Variants in PACS2 observed in about 807,000 individuals in gnomAD.
PACS2 encodes the protein phosphofurin acidic cluster sorting protein 2, also known as PACS1-like protein.
PACS2 carries 36 observed loss-of-function variants against 113.0 expected under a neutral mutation model. That is an observed-to-expected ratio of 0.32 (90% CI 0.24 to 0.42). The LOEUF is 0.42. Among genes scored for constraint, PACS2 ranks in the 10% least tolerant of loss-of-function variants. The pLI is 1.00. For synonymous variants in PACS2, 589 were observed against 536.1 expected, an observed-to-expected ratio of 1.10 and a Z score of -1.36; for missense variants, 1,015 against 1,239.5, an observed-to-expected ratio of 0.82 and a Z score of 2.72.
In PACS2 at chr14:105,308,879, C is replaced by T. The variant is rs587634136; in HGVS notation, c.-83+7900C>T. Among the ~76,000 whole-genome samples the T allele has an allele frequency of 5.9e-5, 9 of 151,870 alleles. 1 individual carries two copies. Among genetic ancestry groups the T allele is most frequent in the Admixed American group, 1.3e-4 (2 of 15,252 alleles). ...ATCCCAGCACTTTGAGAGGCTGAGG[C>T]AGGAGGATGGTTTGAGTCCAGGAGA... is the stretch of plus-strand genomic sequence containing the variant. On this transcript the variant is annotated intron_variant, in intron 1 of 23. Transcript: ENST00000430725.
In PACS2 at chr14:105,355,289, T is replaced by A; in HGVS notation, c.423+112T>A. 1 of 1,285,860 alleles carries A rather than the reference T, an allele frequency of 7.8e-7. No individual in the cohort carries two copies. Among genetic ancestry groups the A allele is most frequent in the Non-Finnish European group, 1.1e-6 (1 of 948,404 alleles). The allele number at this position is 1,285,860 out of a possible 1,614,324, so 79.7% of individuals were successfully genotyped here. ...CGGGTCCAGATGTCCAGGGATCAGG[T>A]GAAAATGATGAGAGGAGCCTGGGCG... On this transcript the variant is annotated intron_variant, in intron 4 of 24. Coordinates refer to ENST00000447393, the MANE Select transcript of PACS2 (RefSeq NM_001100913.3). This position sits in a 1 kb window ranked among gnomAD's most constrained non-coding sequence, Gnocchi z 4.1.
chr14:105,394,658 A>G lies in PACS2; in HGVS notation c.2701A>G (p.Lys901Glu), dbSNP rs1445278464. Reference sequence around the variant, plus strand: ...CCCCATCTGCATCTTCGGACACTCCAAGGCCACCTTCTAGCCCCACCCACC... The same window carrying G: ...CCCCATCTGCATCTTCGGACACTCCGAGGCCACCTTCTAGCCCCACCCACC... The part of the protein sequence containing the change: ...HFPICIFGHS[K>E]ATF Residue 901 changes from lysine (K) to glutamate (E), a missense_variant, in exon 25 of 25, where the codon AAG (lysine) becomes GAG (glutamate). Physicochemically the swap from Lys to Glu is moderately conservative, Grantham distance 56. Transcript: ENST00000447393. 9.9e-6 allele frequency: 16 copies of G among 1,611,532 alleles called. No homozygotes were observed. Among genetic ancestry groups the G allele is most frequent in the Non-Finnish European group, 1.4e-5 (16 of 1,178,316 alleles).
chr14:105,304,865 C>T (rs1228111415), intron 1 of PACS2, among the ~76,000 whole-genome samples: 1 of 152,228 alleles, frequency 6.6e-6, no homozygotes, highest in African/African-American at 2.4e-5. Context: ...TTCGCAATCA[C>T]AAGAACAGCA....
chr14:105,368,643 C>T, intron 7 of PACS2, 104 bp downstream of exon 7: 1 of 849,470 alleles, frequency 1.2e-6, no homozygotes, highest in South Asian at 1.4e-5. Flanking sequence ...TGAGATCTCA[C>T]CCCAGGTCAC....
chr14:105,376,553 G>A lies in PACS2; in HGVS notation c.802-215G>A, dbSNP rs142769238. Among the ~76,000 whole-genome samples the A allele has an allele frequency of 1.3e-5, 2 of 152,288 alleles. No homozygotes were observed. The highest frequency in any genetic ancestry group is 2.9e-5 in the Non-Finnish European group (2 of 68,002). ...ACTGCACCAGCCCAGGGGAGGTGGA[G>A]GAATGCCACACGCACCGGTACCTGG... On this transcript the variant is annotated intron_variant, in intron 8 of 24. Transcript: ENST00000447393. This position sits in a 1 kb window ranked among gnomAD's most constrained non-coding sequence, Gnocchi z 4.7.
chr14:105,356,690 G>A lies in PACS2; in HGVS notation c.423+1513G>A, dbSNP rs1237851187. On this transcript the variant is annotated intron_variant, in intron 4 of 24. Transcript: ENST00000447393. This position sits in a 1 kb window ranked among gnomAD's most constrained non-coding sequence, Gnocchi z 4.0. ...AGGCGAGGTCCTGCTGATCCCTGCC[G>A]GTCCCTGTGTTTCCCATTAGCCATG... 2.6e-5 allele frequency among the ~76,000 whole-genome samples: 4 copies of A among 151,786 alleles called. No homozygotes were observed. The highest frequency in any genetic ancestry group is 9.7e-5 in the African/African-American group (4 of 41,278).
rs2060959745 is a variant in PACS2, at chr14:105,366,878, C to T, written c.424-335C>T. Among the ~76,000 whole-genome samples, 1 of 152,162 alleles carries T rather than the reference C, an allele frequency of 6.6e-6. No homozygotes were observed. The highest frequency in any genetic ancestry group is 2.1e-4 in the South Asian group (1 of 4,828). On this transcript the variant is annotated intron_variant, in intron 4 of 24. Transcript: ENST00000447393. This position sits in a 1 kb window ranked among gnomAD's most constrained non-coding sequence, Gnocchi z 4.3. ...CTGAGATCAGGAGGGCCGCGGACAC[C>T]CCTGTCTGTCCATCTCAGTCCCTCG...
chr14:105,356,122 G>A lies in PACS2; in HGVS notation c.423+945G>A, dbSNP rs2060434641. On this transcript the variant is annotated intron_variant, in intron 4 of 24. Transcript: ENST00000447393. This position sits in a 1 kb window ranked among gnomAD's most constrained non-coding sequence, Gnocchi z 4.0. ...CTTTGTCCCCCTGCTCCTGGGGCTT[G>A]GGGCTGGGACAGTGGGGGTGCCCAC... Among the ~76,000 whole-genome samples, 1 of 152,068 alleles carries A rather than the reference G, an allele frequency of 6.6e-6. No individual in the cohort carries two copies. Among genetic ancestry groups the A allele is most frequent in the African/African-American group, 2.4e-5 (1 of 41,390 alleles).
chr14:105,328,619 CTG>C (rs1176555347), intron 1 of PACS2, among the ~76,000 whole-genome samples: 1 of 152,214 alleles, frequency 6.6e-6, no homozygotes, highest in African/African-American at 2.4e-5. Flanking sequence ...TGGGGGTAGA[CTG>C]TGGCCAGGCC....
At chr14:105,316,792 G>C (rs879734611) in intron 1 of PACS2, among the ~76,000 whole-genome samples, 2 of 152,104 alleles carry the variant, frequency 1.3e-5, no homozygotes, top group African/African-American at 2.4e-5. Flanking sequence ...GTGCTGGGGG[G>C]GGTCCCGAGC....
intron 16 of PACS2, 92 bp downstream of exon 16, chr14:105,383,605 T>TGTGGC (rs1389973686): frequency 4.2e-4 from 546 of 1,307,376 alleles, no homozygotes; most frequent in Non-Finnish European, 5.2e-4. Flanking sequence ...TGGCGTGTTG[T>TGTGGC]GTGGCGTGGC....
chr14:105,385,860 G>A, intron 19 of PACS2, 143 bp downstream of exon 19: 1 of 506,426 alleles, frequency 2.0e-6, no homozygotes, highest in Non-Finnish European at 3.4e-6. Flanking sequence ...GCTGCAGGCT[G>A]AGAGCCCGCA....
rs1229952789 is a variant in PACS2 at position 105,384,258 on chromosome 14, G to A, written c.1781-95G>A. The stretch of plus-strand genomic sequence containing the variant: ...GGCTTGTCTGGAAGGCAGCAGCACA[G>A]GCCTGGGGTCGGGTGGCCCAGCTTT... On this transcript the variant is annotated intron_variant, in intron 16 of 24. Transcript: ENST00000447393. 1.1e-5 allele frequency: 8 copies of A among 704,248 alleles called. No homozygotes were observed. The African/African-American group carries it at 1.4e-4, about 12-fold the overall frequency. 43.6% of individuals were successfully genotyped at this position (704,248 alleles called of 1,614,324 possible).
At chr14:105,342,066 G>T (rs141221225) in intron 1 of PACS2, among the ~76,000 whole-genome samples, 7 of 152,352 alleles carry the variant, frequency 4.6e-5, no homozygotes, top group Admixed American at 1.3e-4. Context: ...GGAAACGAGC[G>T]TGGAAGCCTG....
Position 105,343,699 on chromosome 14 carries a change from C to CTTT in PACS2, c.120-4782_120-4780dup, listed in dbSNP as rs200290671. ...AACGTCTGTTCAAATATTTTGCTCA[C>CTTT]TTTTTTTTTTTTTTGAGATGGAGTC... On this transcript the variant is annotated intron_variant, in intron 1 of 24. Transcript: ENST00000447393. Among the ~76,000 whole-genome samples, 324 of 142,244 alleles carry CTTT rather than the reference C, an allele frequency of 2.3e-3. 3 individuals carry two copies. Among genetic ancestry groups the CTTT allele is most frequent in the African/African-American group, 7.9e-3 (308 of 38,768 alleles). The allele number at this position is 142,244 out of a possible 152,430, so 93.3% of individuals were successfully genotyped here.
rs2060931938 is a variant in PACS2, at chr14:105,366,068, G to A, written c.424-1145G>A. ...CCCCACAATCAAAATAAATCTGGTC[G>A]GCTGGGCGTGGTGGCTCACGCCTGT... On this transcript the variant is annotated intron_variant, in intron 4 of 24. Coordinates refer to ENST00000447393, the MANE Select transcript of PACS2 (RefSeq NM_001100913.3). This position sits in a 1 kb window ranked among gnomAD's most constrained non-coding sequence, Gnocchi z 4.3. 6.6e-6 allele frequency among the ~76,000 whole-genome samples: 1 copy of A among 152,206 alleles called. No individual in the cohort carries two copies. Among genetic ancestry groups the A allele is most frequent in the African/African-American group, 2.4e-5 (1 of 41,464 alleles).
At chr14:105,393,962 C>T (rs924669991) in intron 24 of PACS2, among the ~76,000 whole-genome samples, 2 of 145,100 alleles carry the variant, frequency 1.4e-5, no homozygotes, top group Non-Finnish European at 3.0e-5. Flanking sequence ...GGCGTGAACC[C>T]GGGTGGCGGA....
chr14:105,320,668 T>C (rs2058849802), intron 1 of PACS2, among the ~76,000 whole-genome samples: 1 of 152,162 alleles, frequency 6.6e-6, no homozygotes, highest in African/African-American at 2.4e-5. Context: ...GATGATAGTA[T>C]CTTGTTTAGG....
intron 24 of PACS2, 80 bp downstream of exon 24, chr14:105,393,415 G>A (rs2081429228): frequency 1.7e-5 from 15 of 898,200 alleles, no homozygotes; most frequent in Non-Finnish European, 2.6e-5. Flanking sequence ...CCCAGCCTAG[G>A]AGCTGCGGGT....
Sources: gnomAD v4.1 joint callset for allele counts (sites outside exome capture counted in the v4.1 genomes callset) on GRCh38, gnomAD v4.1.1 for gene constraint, Gnocchi (gnomAD v3.1) non-coding constraint, MANE v1.5 for transcripts, NCBI Gene and HGNC (gene_info 2026-07-23, HGNC 2026-07-21) for gene names.